The following KIAA0825 variants were observed in gnomAD, a reference collection of about 807,000 sequenced individuals.
The protein encoded by KIAA0825 is uncharacterized protein KIAA0825.
Under a neutral mutation model 147.6 loss-of-function variants are expected in KIAA0825, and 119 were observed. The ratio of observed to expected loss-of-function variants is 0.81; its 90% confidence interval spans 0.69 to 0.94. The LOEUF (loss-of-function observed/expected upper bound fraction) is 0.94, where lower values mean the gene tolerates loss of function less well. Among genes scored for constraint, KIAA0825 ranks in the 40% least tolerant of loss-of-function variants. KIAA0825 has a pLI of 0.00. For missense variants in KIAA0825, 1,381 were observed against 1,472.7 expected (o/e 0.94, Z 1.02); for synonymous variants, 470 against 518.1 (o/e 0.91, Z 1.26).
At chr5:94,329,176 TAGA>T (rs548575662) in intron 20 of KIAA0825, among the ~76,000 whole-genome samples, 7 of 151,926 alleles carry the variant, frequency 4.6e-5, no homozygotes, top group Non-Finnish European at 7.4e-5. Flanking sequence ...AGCACAGACA[TAGA>T]AGGTTTTTTT....
chr5:94,379,289 A>C (rs962998735), intron 20 of KIAA0825, among the ~76,000 whole-genome samples: 1 of 152,184 alleles, frequency 6.6e-6, no homozygotes, highest in African/African-American at 2.4e-5. Context: ...TATATGGTGT[A>C]AGGAAGGAGT....
chr5:94,506,668 TTTTTAAAAATATATATTTACA>T, intron 5 of KIAA0825, among the ~76,000 whole-genome samples: 1 of 152,208 alleles, frequency 6.6e-6, no homozygotes, highest in Non-Finnish European at 1.5e-5. Flanking sequence ...TTAAATATAC[TTTTTAAAAATATATATTTACA>T]AATGGGGGCA....
At chr5:94,450,666 C>G (rs545503080) in intron 13 of KIAA0825, among the ~76,000 whole-genome samples, 1 of 151,956 alleles carries the variant, frequency 6.6e-6, no homozygotes, top group Admixed American at 6.6e-5. Flanking sequence ...TCCATTAGAC[C>G]CCACCACCCA....
At chr5:94,248,947 T>C (rs1775786884) in intron 20 of KIAA0825, among the ~76,000 whole-genome samples, 1 of 152,170 alleles carries the variant, frequency 6.6e-6, no homozygotes, top group Non-Finnish European at 1.5e-5. Context: ...TTTACATGAT[T>C]TAACCTAATT....
At chr5:94,431,147 A>T (rs1362600690) in intron 14 of KIAA0825, among the ~76,000 whole-genome samples, 1 of 152,028 alleles carries the variant, frequency 6.6e-6, no homozygotes, top group African/African-American at 2.4e-5. Context: ...CATTCAGTAT[A>T]AAAAAAATGA....
intron 20 of KIAA0825, among the ~76,000 whole-genome samples, chr5:94,218,243 G>A (rs776604369): frequency 4.6e-5 from 7 of 152,060 alleles, no homozygotes; most frequent in East Asian, 1.9e-4. Flanking sequence ...ATAGTTTCCC[G>A]AGCTCAAATG....
intron 20 of KIAA0825, among the ~76,000 whole-genome samples, chr5:94,289,096 A>G (rs1299431645): frequency 1.3e-5 from 2 of 152,172 alleles, no homozygotes; most frequent in Non-Finnish European, 2.9e-5. Context: ...GTAACAGCAT[A>G]TTGGAAAAGG....
At chr5:94,617,998 A>T (rs1385243875) in intron 1 of KIAA0825, 1 of 152,238 alleles carries the variant, frequency 6.6e-6, no homozygotes, top group East Asian at 1.9e-4. Flanking sequence ...CATCCAATTC[A>T]AATGGCGGGA....
intron 1 of KIAA0825, among the ~76,000 whole-genome samples, chr5:94,597,980 T>C (rs1182233591): frequency 6.6e-6 from 1 of 152,116 alleles, no homozygotes; most frequent in African/African-American, 2.4e-5. Flanking sequence ...GGTGAGTCAG[T>C]GAATGGTGAG....
At chr5:94,231,134 C>T (rs1296877886) in intron 20 of KIAA0825, among the ~76,000 whole-genome samples, 2 of 152,060 alleles carry the variant, frequency 1.3e-5, no homozygotes, top group Non-Finnish European at 2.9e-5. Flanking sequence ...GTAACTGAAG[C>T]TATGAGGAAA....
chr5:94,571,627 T>TTCTAGGCTATATAC (rs1779982598), intron 2 of KIAA0825, among the ~76,000 whole-genome samples: 1 of 152,246 alleles, frequency 6.6e-6, no homozygotes, highest in Non-Finnish European at 1.5e-5. Context: ...GGTCTTAAAA[T>TTCTAGGCTATATAC]AAAACTGTGT....
At chr5:94,269,630 C>T (rs979062639) in intron 20 of KIAA0825, among the ~76,000 whole-genome samples, 13 of 151,886 alleles carry the variant, frequency 8.6e-5, no homozygotes, top group Admixed American at 3.9e-4. Flanking sequence ...AATGGAAACA[C>T]GACATACCAA....
At chr5:94,308,842 C>T (rs999812603) in intron 20 of KIAA0825, among the ~76,000 whole-genome samples, 1 of 146,760 alleles carries the variant, frequency 6.8e-6, no homozygotes, top group African/African-American at 2.4e-5. Context: ...CCGTTTTCCT[C>T]CTTCCAGAGG....
At chr5:94,356,451 CA>C (rs545892412) in intron 20 of KIAA0825, among the ~76,000 whole-genome samples, 1,694 of 143,122 alleles carry the variant, frequency 0.012, 15 homozygotes, top group Non-Finnish European at 0.018. Flanking sequence ...ACTAAAAATA[CA>C]AAAAAAAAAA....
At chr5:94,298,173 G>C (rs984658551) in intron 20 of KIAA0825, among the ~76,000 whole-genome samples, 17 of 151,728 alleles carry the variant, frequency 1.1e-4, no homozygotes, top group African/African-American at 3.4e-4. Context: ...ACTTGAACCC[G>C]GGAGATGGAG....
intron 6 of KIAA0825, among the ~76,000 whole-genome samples, chr5:94,481,200 A>T (rs1762460707): frequency 1.3e-5 from 2 of 152,120 alleles, no homozygotes; most frequent in Admixed American, 1.3e-4. Flanking sequence ...AGAACCTCAG[A>T]AGAGTGCAGA....
At chr5:94,241,512 G>T (rs912686931) in intron 20 of KIAA0825, among the ~76,000 whole-genome samples, 2 of 152,110 alleles carry the variant, frequency 1.3e-5, no homozygotes, top group African/African-American at 4.8e-5. Context: ...ACTGCGGGGT[G>T]GTGAGTAATT....
intron 13 of KIAA0825, among the ~76,000 whole-genome samples, chr5:94,445,901 CCACTGGCTATTGG>C (rs1166406121): frequency 2.6e-5 from 4 of 152,160 alleles, no homozygotes; most frequent in Admixed American, 6.6e-5. Flanking sequence ...CATTACTTCT[CCACTGGCTATTGG>C]CACTATGTCA....
chr5:94,177,380 T>C (rs1769198636), intron 20 of KIAA0825, among the ~76,000 whole-genome samples: 1 of 152,098 alleles, frequency 6.6e-6, no homozygotes, highest in African/African-American at 2.4e-5. Flanking sequence ...TGTGGGTCTT[T>C]TATGGGTTCT....
Sources: gnomAD v4.1 joint callset for allele counts (sites outside exome capture counted in the v4.1 genomes callset) on GRCh38, gnomAD v4.1.1 for gene constraint, MANE v1.5 for transcripts, NCBI Gene and HGNC (gene_info 2026-07-23, HGNC 2026-07-21) for gene names.